The following C5orf34 variants were observed in gnomAD, a reference collection of about 807,000 sequenced individuals.
The protein encoded by C5orf34 is uncharacterized protein C5orf34.
A neutral mutation model predicts 78.4 loss-of-function variants in C5orf34; 73 were observed. The ratio of observed to expected loss-of-function variants is 0.93; its 90% CI spans 0.77 to 1.13. C5orf34 has a LOEUF of 1.13. Among genes scored for constraint, C5orf34 ranks in the 50% most tolerant of loss-of-function variants. The probability of loss-of-function intolerance (pLI) is 0.00; values close to 1 mark genes in which losing one functional copy is unlikely to be tolerated. For missense variants in C5orf34, 730 were observed against 732.7 expected (o/e 1.00, Z 0.04); for synonymous variants, 251 against 246.6 (o/e 1.02, Z -0.17).
At chr5:43,510,426 C>CCTCCCTCTCCCTCTCCCCACGGT (rs950117490) in intron 1 of C5orf34, among the ~76,000 whole-genome samples, 1 of 152,098 alleles carries the variant, frequency 6.6e-6, no homozygotes, top group Non-Finnish European at 1.5e-5. Context: ...AGTTGGGTTT[C>CCTCCCTCTCCCTCTCCCCACGGT]CTCCCTCTCC....
At chr5:43,500,796 T>TTAAGTTAAA in intron 6 of C5orf34, among the ~76,000 whole-genome samples, 1 of 152,250 alleles carries the variant, frequency 6.6e-6, no homozygotes. Flanking sequence ...AGGCCTCCTT[T>TTAAGTTAAA]ACCCAGAGAT....
chr5:43,501,543 G>A lies in C5orf34; in HGVS notation c.1152+829C>T, dbSNP rs187728452. ...TATGAAGAAAACAATATTTGGTTGG[G>A]ATTTACTTAAAAATAAACAGGGAGT... On this transcript the variant is annotated intron_variant, in intron 6 of 12. Coordinates refer to ENST00000306862, the MANE Select transcript of C5orf34 (RefSeq NM_198566.4). Among the ~76,000 whole-genome samples the A allele has an allele frequency of 3.2e-3, 494 of 152,298 alleles. 2 individuals carry two copies. The highest frequency in any genetic ancestry group is 0.011 in the African/African-American group (461 of 41,544).
Position 43,494,068 on chromosome 5 carries a change from A to ATG in C5orf34, c.1244+441_1244+442insCA, listed in dbSNP as rs543244074. ...CCACTTGCATTCTTCTGGGTATCAT[A>ATG]GATTGAGAGAATTTTAAAAACATAT... On this transcript the variant is annotated intron_variant, in intron 7 of 12. Transcript: ENST00000306862. Among the ~76,000 whole-genome samples, 8 of 152,308 alleles carry ATG rather than the reference A, an allele frequency of 5.3e-5. No homozygotes were observed. The East Asian group carries it at 1.3e-3, about 26-fold the overall frequency.
intron 6 of C5orf34, chr5:43,495,160 C>T (rs1030227471): frequency 1.1e-5 from 17 of 1,608,806 alleles, no homozygotes; most frequent in Admixed American, 5.0e-5. Context: ...TGACACCCAC[C>T]GCAACTGTCT....
chr5:43,495,040 T>C, intron 6 of C5orf34: 2 of 1,429,368 alleles, frequency 1.4e-6, no homozygotes, highest in Non-Finnish European at 2.0e-6. Context: ...CACCACTGAT[T>C]AAGAGTTGGG....
chr5:43,495,776 A>G lies in C5orf34; in HGVS notation c.1153-1175T>C, dbSNP rs951616441. ...TAGGATGCAGTCCAGAGCCTCAAGC[A>G]GCATGGTGCCGCTGGCACTGCCATC... is the stretch of plus-strand genomic sequence containing the variant. On this transcript the variant is annotated intron_variant, in intron 6 of 12. Transcript: ENST00000306862. The G allele has an allele frequency of 7.6e-6, 12 of 1,580,510 alleles. No individual in the cohort carries two copies. In the African/African-American group the frequency reaches 1.6e-4, roughly 21 times the overall value.
chr5:43,507,738 T>A (rs1746050979), intron 3 of C5orf34, among the ~76,000 whole-genome samples: 1 of 152,158 alleles, frequency 6.6e-6, no homozygotes, highest in Non-Finnish European at 1.5e-5. Context: ...AAAACTGCCA[T>A]AGACAAATTA....
chr5:43,505,589 G>A (rs1403066575), intron 4 of C5orf34, 159 bp downstream of exon 4: 1 of 642,572 alleles, frequency 1.6e-6, no homozygotes, highest in Non-Finnish European at 2.6e-6. Context: ...AAAAACATAA[G>A]CAACACATTT....
At chr5:43,506,511 C>T (rs1745993440) in intron 3 of C5orf34, 117 bp from the exon 4 acceptor site, 6 of 1,024,146 alleles carry the variant, frequency 5.9e-6, no homozygotes, top group Non-Finnish European at 8.1e-6. Context: ...GTTTTACTAT[C>T]TACAGAGAAT....
Position 43,508,576 on chromosome 5 carries a change from C to T in C5orf34, c.285+1G>A, listed in dbSNP as rs1456693263. 1 of 1,563,100 alleles carries T rather than the reference C, an allele frequency of 6.4e-7. No individual in the cohort carries two copies. Among genetic ancestry groups the T allele is most frequent in the East Asian group, 2.2e-5 (1 of 44,524 alleles). On this transcript the variant is annotated splice_donor_variant, in intron 3 of 12. Coordinates refer to ENST00000306862, the MANE Select transcript of C5orf34 (RefSeq NM_198566.4). LOFTEE classifies it high-confidence loss of function. ...AACAAAAATGAAGTTAAAAAAATCA[C>T]CTTTTTTCTTTCAGAAGGTATGATG...
chr5:43,492,823 C>T lies in C5orf34; in HGVS notation c.1382G>A (p.Gly461Glu), dbSNP rs145766724. The T allele has an allele frequency of 6.2e-7, 1 of 1,612,494 alleles. No homozygotes were observed. The highest frequency in any genetic ancestry group is 2.2e-5 in the East Asian group (1 of 44,752). ...GTCATCAGAGTAGGCAAGAAATCTT[C>T]CCACACTGGGTATGAGTGACTCTTT... The part of the protein sequence containing the change: ...VLKESLIPSV[G>E]RFLAYSDDKV... The change falls in exon 9 of 13, where the codon GGA becomes GAA. Residue 461 changes from glycine to glutamate, a missense_variant. By Grantham distance (98) the Gly-to-Glu change is moderately conservative. Coordinates refer to ENST00000306862, the MANE Select transcript of C5orf34 (RefSeq NM_198566.4).
intron 11 of C5orf34, 136 bp downstream of exon 11, chr5:43,490,495 A>C: frequency 1.8e-6 from 1 of 569,208 alleles, no homozygotes; most frequent in South Asian, 2.5e-5. Flanking sequence ...AGCTATCAAA[A>C]ATACTTTAGG....
chr5:43,502,335 C>A (rs770754492), intron 6 of C5orf34, 37 bp downstream of exon 6: 1 of 1,606,664 alleles, frequency 6.2e-7, no homozygotes. Context: ...AGCTATACAG[C>A]AAAACTCTTC....
chr5:43,490,878 T>G lies in C5orf34; in HGVS notation c.1581-149A>C, dbSNP rs553147923. The G allele has an allele frequency of 7.5e-4, 363 of 481,672 alleles. 1 individual carries two copies. The highest frequency in any genetic ancestry group is 1.1e-3 in the Non-Finnish European group (304 of 274,490). 29.8% of individuals were successfully genotyped at this position (481,672 alleles called of 1,614,324 possible). On this transcript the variant is annotated intron_variant, in intron 10 of 12. Coordinates refer to ENST00000306862, the MANE Select transcript of C5orf34 (RefSeq NM_198566.4). ...CATTTACTGGGCAATTCTCAAAATA[T>G]TTTTCACTGGTCATAGAAAAGCCAA...
At chr5:43,505,191 TAAA>T in intron 4 of C5orf34, among the ~76,000 whole-genome samples, 1 of 152,244 alleles carries the variant, frequency 6.6e-6, no homozygotes, top group Non-Finnish European at 1.5e-5. Flanking sequence ...TTAGTGGAGT[TAAA>T]AGTTTTATAC....
intron 1 of C5orf34, among the ~76,000 whole-genome samples, chr5:43,513,487 C>T (rs565214182): frequency 2.6e-5 from 4 of 152,344 alleles, no homozygotes; most frequent in South Asian, 4.1e-4. Flanking sequence ...ACATCTATCA[C>T]TTCGTGGCTT....
At chr5:43,492,145 T>A in intron 10 of C5orf34, 70 bp downstream of exon 10, 1 of 1,000,100 alleles carries the variant, frequency 1.0e-6, no homozygotes, top group South Asian at 1.5e-5. Flanking sequence ...ACTTAAATAA[T>A]GCTTATTGCT....
At chr5:43,489,998 A>T (rs1203057380) in intron 11 of C5orf34, among the ~76,000 whole-genome samples, 2 of 152,110 alleles carry the variant, frequency 1.3e-5, no homozygotes, top group Non-Finnish European at 2.9e-5. Context: ...CTCAAAACTC[A>T]TACTATATAC....
chr5:43,503,707 G>A lies in C5orf34; in HGVS notation c.986C>T (p.Pro329Leu). The change falls in exon 5 of 13, where the codon CCT (proline) becomes CTT (leucine). Residue 329 changes from proline (P) to leucine (L), a missense_variant. By Grantham distance (98) the Pro-to-Leu change is moderately conservative. Coordinates refer to ENST00000306862, the MANE Select transcript of C5orf34 (RefSeq NM_198566.4). ...GTACCAAACCATTTTCACTAGTTCA[G>A]GATAGGAATATTCATCAGATTGTCT... ...LQRQSDEYSY[P>L]ELVKMVWYKG... The A allele has an allele frequency of 6.2e-7, 1 of 1,613,670 alleles. No individual in the cohort carries two copies. Among genetic ancestry groups the A allele is most frequent in the Non-Finnish European group, 8.5e-7 (1 of 1,179,684 alleles).
Sources: allele counts gnomAD v4.1 joint callset (sites outside exome capture counted in the v4.1 genomes callset), GRCh38; gene constraint gnomAD v4.1.1; transcripts MANE v1.5; gene names NCBI Gene and HGNC (gene_info 2026-07-23, HGNC 2026-07-21).